Variants in EIF4ENIF1 observed in about 807,000 individuals in gnomAD.
The protein encoded by EIF4ENIF1 is eukaryotic translation initiation factor 4E transporter.
Under a neutral mutation model 110.5 loss-of-function variants are expected in EIF4ENIF1, and 23 were observed. That is an observed-to-expected ratio of 0.21 (90% CI 0.15 to 0.29). The LOEUF (loss-of-function observed/expected upper bound fraction) is 0.29, where lower values mean the gene tolerates loss of function less well. EIF4ENIF1 is among the 10% of genes least tolerant of loss of function. The pLI, the probability that EIF4ENIF1 is intolerant of heterozygous loss-of-function variation, is 1.00. For missense variants in EIF4ENIF1, 1,031 were observed against 1,221.1 expected, an observed-to-expected ratio of 0.84 and a Z score of 2.32; for synonymous variants, 440 against 437.0, an observed-to-expected ratio of 1.01 and a Z score of -0.09.
intron 2 of EIF4ENIF1, among the ~76,000 whole-genome samples, chr22:31,472,840 C>T (rs1408098270): frequency 6.6e-6 from 1 of 152,094 alleles, no homozygotes; most frequent in African/African-American, 2.4e-5. Flanking sequence ...AAAGTCCTCC[C>T]TTCTAGCTGT....
At chr22:31,490,821 A>G (rs1283556054), upstream of EIF4ENIF1, among the ~76,000 whole-genome samples, 1 of 152,204 alleles carries the variant, frequency 6.6e-6, no homozygotes, top group African/African-American at 2.4e-5. Flanking sequence ...ATAGGCGTGA[A>G]GTCCCGAGAA....
rs373345123 is a variant in EIF4ENIF1, at chr22:31,477,223, G to C, written c.97-5306C>G. The stretch of plus-strand genomic sequence containing the variant: ...TACTAAAAATTAAAAAATTAGCTGG[G>C]TATGATGGCGCATGCCTGTAATCTC... On this transcript the variant is annotated intron_variant, in intron 2 of 18. Transcript: ENST00000330125. 1.2e-4 allele frequency among the ~76,000 whole-genome samples: 18 copies of C among 151,816 alleles called. No homozygotes were observed. The East Asian group carries it at 3.1e-3, about 26-fold the overall frequency.
chr22:31,465,285 T>G (rs2051146571), intron 4 of EIF4ENIF1, among the ~76,000 whole-genome samples: 1 of 144,530 alleles, frequency 6.9e-6, no homozygotes, highest in Admixed American at 7.2e-5. Flanking sequence ...ACTGCACCAC[T>G]GCACTGTAGC....
At chr22:31,437,773 G>A (rs695455), downstream of EIF4ENIF1, 127,599 of 152,140 alleles carry the variant, frequency 0.84, 53,823 homozygotes, top group East Asian at 0.94. Flanking sequence ...GGATTCAGGT[G>A]TCTGTGTTCT....
intron 5 of EIF4ENIF1, 23 bp from the exon 6 acceptor site, chr22:31,463,156 A>T: frequency 1.9e-6 from 3 of 1,606,842 alleles, no homozygotes; most frequent in Non-Finnish European, 2.5e-6. Context: ...ATAAAGCAAG[A>T]TTAAAAAATT....
intron 11 of EIF4ENIF1, among the ~76,000 whole-genome samples, chr22:31,449,831 A>G (rs535672059): frequency 6.6e-6 from 1 of 152,050 alleles, no homozygotes; most frequent in East Asian, 1.9e-4. Flanking sequence ...ACCGGGTTCA[A>G]GCGATTCTCA....
At chr22:31,442,926 C>G (rs760258223) in intron 16 of EIF4ENIF1, 36 bp downstream of exon 16, 1 of 1,608,372 alleles carries the variant, frequency 6.2e-7, no homozygotes, top group Non-Finnish European at 8.5e-7. Flanking sequence ...CCATCACATA[C>G]TTTCTTGAGC....
rs67838369 is a variant in EIF4ENIF1, at chr22:31,455,395, CTTTT to C, written c.1100-84_1100-81del. 2,342 of 808,394 alleles carry C rather than the reference CTTTT, an allele frequency of 2.9e-3. 3 individuals are homozygous for C. Among genetic ancestry groups the C allele is most frequent in the Middle Eastern group, 3.4e-3 (8 of 2,342 alleles). The allele number at this position is 808,394 out of a possible 1,614,324, so 50.1% of individuals were successfully genotyped here. ...CCTTCGACAGTATTTTTCTTTCTTT[CTTTT>C]TTTTTTTTTTTTTCTTTGAGATGGA... is the stretch of plus-strand genomic sequence containing the variant. On this transcript the variant is annotated intron_variant, in intron 8 of 18. Transcript: ENST00000330125.
intron 2 of EIF4ENIF1, among the ~76,000 whole-genome samples, chr22:31,480,109 T>C (rs549556111): frequency 4.4e-4 from 67 of 152,182 alleles, no homozygotes; most frequent in Admixed American, 2.0e-3. Flanking sequence ...ACTTCACTTT[T>C]TGCACAGGTT....
At chr22:31,463,207 T>A in intron 5 of EIF4ENIF1, 74 bp from the exon 6 acceptor site, 1 of 1,397,120 alleles carries the variant, frequency 7.2e-7, no homozygotes, top group Non-Finnish European at 9.9e-7. Context: ...GTCTTCGTTG[T>A]AATGTTCAAT....
At chr22:31,493,018 C>T (rs5998008), upstream of EIF4ENIF1, among the ~76,000 whole-genome samples, 31 of 151,948 alleles carry the variant, frequency 2.0e-4, no homozygotes, top group African/African-American at 6.8e-4. Flanking sequence ...GCATGAGCTA[C>T]CACGCCCGGC....
chr22:31,477,484 A>G (rs2146066228), intron 2 of EIF4ENIF1, among the ~76,000 whole-genome samples: 1 of 152,342 alleles, frequency 6.6e-6, no homozygotes, highest in East Asian at 1.9e-4. Context: ...AGAGTGATAA[A>G]CACCAACTAC....
chr22:31,482,992 C>A (rs1187470395), intron 2 of EIF4ENIF1, among the ~76,000 whole-genome samples: 2 of 151,656 alleles, frequency 1.3e-5, no homozygotes, highest in Non-Finnish European at 2.9e-5. Flanking sequence ...CCACTGCACT[C>A]CAGCCTGGCG....
At chr22:31,452,249 A>G (rs758776121) in intron 10 of EIF4ENIF1, among the ~76,000 whole-genome samples, 17 of 152,240 alleles carry the variant, frequency 1.1e-4, no homozygotes, top group Non-Finnish European at 1.6e-4. Context: ...CCGAATTCAA[A>G]AAGTAAACCA....
intron 2 of EIF4ENIF1, among the ~76,000 whole-genome samples, chr22:31,482,510 C>T (rs921845312): frequency 2.0e-5 from 3 of 151,908 alleles, no homozygotes; most frequent in East Asian, 3.9e-4. Flanking sequence ...GGTGAAACCC[C>T]GTTTCTAATA....
chr22:31,456,249 A>C (rs186765829), intron 7 of EIF4ENIF1, among the ~76,000 whole-genome samples: 3 of 140,366 alleles, frequency 2.1e-5, no homozygotes, highest in Non-Finnish European at 4.6e-5. Flanking sequence ...TTTGAGACAG[A>C]GTCTCGCTCT....
At position 31,474,603 on chromosome 22, in the gene EIF4ENIF1, T is replaced by C. The variant is rs149839560; in HGVS notation, c.97-2686A>G. On this transcript the variant is annotated intron_variant, in intron 2 of 18. Transcript: ENST00000330125. ...AATCCTAGTTTCTTTAAGTGAGGAA[T>C]TGCATAAAACACCAAGGTCTGGGAA... Among the ~76,000 whole-genome samples, 949 of 152,100 alleles carry C rather than the reference T, an allele frequency of 6.2e-3. 6 individuals are homozygous for C. The highest frequency in any genetic ancestry group is 0.058 in the Middle Eastern group (17 of 294).
intron 16 of EIF4ENIF1, 37 bp from the exon 17 acceptor site, chr22:31,442,155 T>A (rs1254878426): frequency 2.0e-6 from 3 of 1,505,438 alleles, no homozygotes; most frequent in Non-Finnish European, 2.7e-6. Context: ...TTGGCAAACC[T>A]CTCCCAAACA....
At chr22:31,475,464 C>T (rs936358166) in intron 2 of EIF4ENIF1, among the ~76,000 whole-genome samples, 5 of 151,880 alleles carry the variant, frequency 3.3e-5, no homozygotes, top group Non-Finnish European at 5.9e-5. Context: ...TAAAATTCAT[C>T]GAGTGGGCCG....
Sources: allele counts gnomAD v4.1 joint callset (sites outside exome capture counted in the v4.1 genomes callset), GRCh38; gene constraint gnomAD v4.1.1; transcripts MANE v1.5; gene names NCBI Gene and HGNC (gene_info 2026-07-23, HGNC 2026-07-21).